Variants in GTF2IRD1 observed in about 807,000 individuals in gnomAD.
The protein encoded by GTF2IRD1 is general transcription factor II-I repeat domain-containing protein 1.
In GTF2IRD1, 26 loss-of-function variants were observed where a neutral mutation model predicts 113.2. The observed-to-expected ratio is 0.23, with a 90% CI of 0.17 to 0.32. The LOEUF (loss-of-function observed/expected upper bound fraction) is 0.32, where lower values mean the gene tolerates loss of function less well. Among genes scored for constraint, GTF2IRD1 ranks in the 10% least tolerant of loss-of-function variants. The pLI, the probability that GTF2IRD1 is intolerant of heterozygous loss-of-function variation, is 1.00. For synonymous variants in GTF2IRD1, 484 were observed against 529.1 expected (o/e 0.91, Z 1.17); for missense variants, 864 against 1,280.8 (o/e 0.67, Z 4.97).
Position 74,453,959 on chromosome 7 carries a change from G to A in GTF2IRD1, c.-224G>A, listed in dbSNP as rs1472342896. 6.8e-6 allele frequency: 1 copy of A among 146,900 alleles called. No homozygotes were observed. The highest frequency in any genetic ancestry group is 6.7e-5 in the Admixed American group (1 of 14,826). 9.1% of individuals were successfully genotyped at this position (146,900 alleles called of 1,614,324 possible). On this transcript the variant is annotated 5_prime_UTR_variant, in exon 1 of 27. Transcript: ENST00000424337. ...CGCCGCAGCCCGCGCCGGGGGTGGG[G>A]GCCGCCGAGCGCCAGCCCCCCGGCC...
At position 74,536,289 on chromosome 7, in the gene GTF2IRD1, C is replaced by T. The variant is rs375672800; in HGVS notation, c.1409+14C>T. The T allele has an allele frequency of 7.1e-6, 11 of 1,545,016 alleles. No homozygotes were observed. In the African/African-American group the frequency reaches 1.1e-4, roughly 15 times the overall value. The stretch of plus-strand genomic sequence containing the variant: ...TGGGAATGCTCGGTGAGGCCCCGCC[C>T]CTGGCCCCGGAGGCCCGCGGCCAGC... On this transcript the variant is annotated intron_variant, in intron 11 of 26. Coordinates refer to ENST00000424337, the MANE Select transcript of GTF2IRD1 (RefSeq NM_005685.4).
intron 23 of GTF2IRD1, 131 bp from the exon 24 acceptor site, chr7:74,590,694 G>T: frequency 1.8e-6 from 1 of 543,006 alleles, no homozygotes; most frequent in Non-Finnish European, 3.2e-6. Context: ...CCCCACCAGG[G>T]TCTTGATTTT....
At chr7:74,551,308 A>C (rs1384869980) in intron 17 of GTF2IRD1, among the ~76,000 whole-genome samples, 23 of 152,210 alleles carry the variant, frequency 1.5e-4, no homozygotes, top group African/African-American at 5.5e-4. Flanking sequence ...ACATCACTGC[A>C]CTCCAGCCTG....
chr7:74,599,815 G>A (rs781935742), intron 25 of GTF2IRD1, among the ~76,000 whole-genome samples: 5 of 152,056 alleles, frequency 3.3e-5, no homozygotes, highest in Non-Finnish European at 7.4e-5. Context: ...GAGCCACTGC[G>A]CCTGGCCCCA....
intron 1 of GTF2IRD1, among the ~76,000 whole-genome samples, chr7:74,498,802 C>G (rs1395337091): frequency 1.9e-4 from 29 of 151,794 alleles, no homozygotes; most frequent in African/African-American, 6.8e-4. Flanking sequence ...GATCTCAGCT[C>G]ACTGCAACCT....
chr7:74,583,895 G>A (rs1351754181), intron 22 of GTF2IRD1, among the ~76,000 whole-genome samples: 4 of 152,060 alleles, frequency 2.6e-5, no homozygotes, highest in African/African-American at 7.2e-5. Flanking sequence ...GAGCCCCAGC[G>A]TGCAGATGAG....
chr7:74,498,433 T>C (rs1373485397), intron 1 of GTF2IRD1, among the ~76,000 whole-genome samples: 1 of 152,204 alleles, frequency 6.6e-6, no homozygotes, highest in Admixed American at 6.6e-5. Context: ...AAAACTTCTC[T>C]TTACTCATAG....
intron 1 of GTF2IRD1, among the ~76,000 whole-genome samples, chr7:74,473,626 TTGC>T (rs1445314011): frequency 6.6e-6 from 1 of 151,976 alleles, no homozygotes; most frequent in African/African-American, 2.4e-5. Flanking sequence ...CCGTGATTCA[TTGC>T]TCCCATTTTC....
chr7:74,557,638 G>A lies in GTF2IRD1; in HGVS notation c.2024-1G>A. ...ACCCATAATCGTTTTGCGCTTTGCAGAAAATTATGACGCGAGGCTCTCACG... is the reference window on the plus strand; with the variant it reads ...ACCCATAATCGTTTTGCGCTTTGCAAAAAATTATGACGCGAGGCTCTCACG... On this transcript the variant is annotated splice_acceptor_variant, in intron 19 of 26. Transcript: ENST00000424337. LOFTEE classifies it high-confidence loss of function. 1 of 1,611,952 alleles carries A rather than the reference G, an allele frequency of 6.2e-7. No homozygotes were observed. Among genetic ancestry groups the A allele is most frequent in the Non-Finnish European group, 8.5e-7 (1 of 1,178,198 alleles).
chr7:74,479,001 C>T (rs1193037643), intron 1 of GTF2IRD1, among the ~76,000 whole-genome samples: 5 of 152,074 alleles, frequency 3.3e-5, no homozygotes, highest in Non-Finnish European at 5.9e-5. Context: ...GGTGGTCATT[C>T]CAGGTGCCTC....
chr7:74,589,066 G>A (rs1801897493), intron 22 of GTF2IRD1, among the ~76,000 whole-genome samples: 1 of 152,106 alleles, frequency 6.6e-6, no homozygotes, highest in African/African-American at 2.4e-5. Flanking sequence ...ATAAAAAAAT[G>A]TGGGATGGGC....
rs782550708 is a variant in GTF2IRD1 at position 74,524,164 on chromosome 7, C to T, written c.1090+10C>T. On this transcript the variant is annotated intron_variant, in intron 8 of 26. Transcript: ENST00000424337. ...TTTAACAGCAGATATGGTGAGTGGG[C>T]GGCGCGGCCCGCCGTGTGGCCCCAG... 4.0e-5 allele frequency: 64 copies of T among 1,581,248 alleles called. No homozygotes were observed. The highest frequency in any genetic ancestry group is 5.4e-5 in the African/African-American group (4 of 74,144).
intron 1 of GTF2IRD1, among the ~76,000 whole-genome samples, chr7:74,478,082 A>G (rs960887637): frequency 1.3e-5 from 2 of 152,154 alleles, no homozygotes; most frequent in African/African-American, 2.4e-5. Context: ...CACCATGCAC[A>G]TGAGCTCAGA....
intron 9 of GTF2IRD1, among the ~76,000 whole-genome samples, chr7:74,530,890 G>A (rs1325862484): frequency 1.3e-5 from 2 of 152,084 alleles, no homozygotes; most frequent in Non-Finnish European, 2.9e-5. Flanking sequence ...GCAACATGGC[G>A]AGACCCCATC....
At chr7:74,460,038 C>G (rs1793260364) in intron 1 of GTF2IRD1, among the ~76,000 whole-genome samples, 1 of 147,434 alleles carries the variant, frequency 6.8e-6, no homozygotes, top group South Asian at 2.2e-4. Context: ...TGCAGTGGCA[C>G]AATCTCGGCT....
intron 1 of GTF2IRD1, among the ~76,000 whole-genome samples, chr7:74,496,708 C>T (rs1554338177): frequency 6.6e-6 from 1 of 151,888 alleles, no homozygotes; most frequent in African/African-American, 2.4e-5. Context: ...TCACACTTAC[C>T]TCTGGGGCAG....
intron 22 of GTF2IRD1, among the ~76,000 whole-genome samples, chr7:74,585,572 G>A (rs1175601067): frequency 6.6e-6 from 1 of 152,098 alleles, no homozygotes; most frequent in Non-Finnish European, 1.5e-5. Flanking sequence ...TAAAGATTAA[G>A]CCTTCTTTCT....
chr7:74,578,139 T>C (rs1442792699), intron 22 of GTF2IRD1, among the ~76,000 whole-genome samples: 1 of 152,298 alleles, frequency 6.6e-6, no homozygotes, highest in East Asian at 1.9e-4. Flanking sequence ...TTTTATTGCA[T>C]GTAATGTTTG....
chr7:74,532,153 C>A (rs1248140534), intron 9 of GTF2IRD1, among the ~76,000 whole-genome samples: 1 of 152,182 alleles, frequency 6.6e-6, no homozygotes, highest in East Asian at 1.9e-4. Context: ...CTGACATCTG[C>A]CTCCACCCCC....
Sources: allele counts gnomAD v4.1 joint callset (sites outside exome capture counted in the v4.1 genomes callset), GRCh38; gene constraint gnomAD v4.1.1; transcripts MANE v1.5; gene names NCBI Gene and HGNC (gene_info 2026-07-23, HGNC 2026-07-21).